CASP1: variants seen among roughly 807,000 people sequenced by gnomAD.
The protein encoded by CASP1 is caspase 1, also known as caspase-1.
CASP1 carries 31 observed loss-of-function variants against 41.2 expected under a neutral mutation model. The observed-to-expected ratio is 0.75, with a 90% confidence interval of 0.57 to 1.02. CASP1 has a LOEUF of 1.02. Among genes scored for constraint, CASP1 ranks in the 50% least tolerant of loss-of-function variants. The pLI is 0.00. For missense variants in CASP1, 490 were observed against 495.7 expected (o/e 0.99, Z 0.11); for synonymous variants, 163 against 166.5 (o/e 0.98, Z 0.16).
At chr11:105,028,510 C>A (rs1308322138) in intron 7 of CASP1, among the ~76,000 whole-genome samples, 3 of 151,826 alleles carry the variant, frequency 2.0e-5, no homozygotes, top group Admixed American at 2.0e-4. Context: ...TTTATTAAAT[C>A]CTTAGAAAAA....
upstream of CASP1, among the ~76,000 whole-genome samples, chr11:105,035,618 G>GTTT (rs56746743): frequency 7.7e-5 from 8 of 103,438 alleles, 2 homozygotes; most frequent in Admixed American, 2.6e-4. Flanking sequence ...TTTTCTTTCT[G>GTTT]TTTTTTTTTT....
In CASP1 at chr11:105,030,381, C is replaced by T; in HGVS notation, c.576G>A (p.Leu192=). Residue 192 remains leucine, a synonymous_variant, in exon 5 of 9, where the codon CTG becomes CTA. Coordinates refer to ENST00000533400, the MANE Select transcript of CASP1 (RefSeq NM_001257118.3). ...CTACGCTGTACCCCAGATTTTGTAGCAGCATTGTCATGCCTGTGATGTCAA... is the reference window on the plus strand; with the variant it reads ...CTACGCTGTACCCCAGATTTTGTAGTAGCATTGTCATGCCTGTGATGTCAA... ...AEVDITGMTM[L]LQNLGYSVDV... The T allele has an allele frequency of 6.2e-7, 1 of 1,613,554 alleles. No homozygotes were observed. Among genetic ancestry groups the T allele is most frequent in the Non-Finnish European group, 8.5e-7 (1 of 1,179,668 alleles).
In CASP1 at chr11:105,034,294, G is replaced by T; in HGVS notation, c.188C>A (p.Pro63Gln). The change falls in exon 2 of 9, where the codon CCG (proline) becomes CAG (glutamine). Residue 63 changes from proline to glutamine, a missense_variant. Pro to Gln is a moderately conservative substitution (Grantham distance 76). Transcript: ENST00000533400. ...AATTTGGCATGCCTGTGCCCCTTTC[G>T]GAATAACGGAGTCAATCAAAGCTCG... ...KTRALIDSVI[P>Q]KGAQACQICI... The T allele has an allele frequency of 6.2e-7, 1 of 1,614,028 alleles. No individual in the cohort carries two copies. Among genetic ancestry groups the T allele is most frequent in the Non-Finnish European group, 8.5e-7 (1 of 1,179,974 alleles).
intron 2 of CASP1, 80 bp from the exon 3 acceptor site, chr11:105,033,206 C>T (rs1565226702): frequency 1.3e-6 from 1 of 741,174 alleles, no homozygotes; most frequent in Non-Finnish European, 2.3e-6. Context: ...ACACTCCCCA[C>T]TAAAAATTTC....
intron 3 of CASP1, among the ~76,000 whole-genome samples, chr11:105,032,826 G>T (rs1253675278): frequency 6.6e-6 from 1 of 152,146 alleles, no homozygotes; most frequent in Non-Finnish European, 1.5e-5. Context: ...AAATAATGAA[G>T]TTTGGTACTT....
intron 8 of CASP1, 171 bp downstream of exon 8, chr11:105,026,671 G>T: frequency 1.6e-6 from 1 of 609,858 alleles, no homozygotes; most frequent in Non-Finnish European, 2.9e-6. Context: ...GGTCTTAATA[G>T]ATTGGATTAG....
chr11:105,026,893 T>A lies in CASP1; in HGVS notation c.1065A>T (p.Glu355Asp), dbSNP rs529009285. The A allele has an allele frequency of 1.7e-5, 27 of 1,611,844 alleles. No individual in the cohort carries two copies. The highest frequency in any genetic ancestry group is 2.3e-5 in the Non-Finnish European group (27 of 1,178,210). ...AGGAACAGGCATATTCTTGCATATG[T>A]TCAATGAGTCTTCCAATAAAAACAG... Reference protein sequence around the residue: ...MGSVFIGRLIEHMQEYACSCD... With the variant: ...MGSVFIGRLIDHMQEYACSCD... Residue 355 changes from glutamate to aspartate, a missense_variant, in exon 8 of 9, where the codon GAA becomes GAT. Physicochemically the swap from Glu to Asp is conservative, Grantham distance 45. Coordinates refer to ENST00000533400, the MANE Select transcript of CASP1 (RefSeq NM_001257118.3).
Position 105,029,831 on chromosome 11 carries a change from C to G in CASP1, c.696G>C (p.Leu232=), listed in dbSNP as rs1405683173. ...PEHKTSDSTF[L]VFMSHGIREG... is the part of the protein sequence containing the mutation. ...CCCGAATACCATGAGACATGAACAC[C>G]AGGAACGTGCTGTCAGAGGTCTTGT... Residue 232 remains leucine (L), a synonymous_variant, in exon 6 of 9, where the codon CTG becomes CTC. Transcript: ENST00000533400. 9.3e-6 allele frequency: 15 copies of G among 1,613,756 alleles called. No individual in the cohort carries two copies. Among genetic ancestry groups the G allele is most frequent in the Non-Finnish European group, 1.0e-5 (12 of 1,179,778 alleles).
intron 2 of CASP1, chr11:105,033,989 AC>A (rs1863859657): frequency 1.2e-6 from 1 of 840,674 alleles, no homozygotes; most frequent in Non-Finnish European, 2.0e-6. Context: ...CATACTCAGA[AC>A]AGGAAATGAG....
chr11:105,033,564 G>C (rs1031193155), intron 2 of CASP1, among the ~76,000 whole-genome samples: 1 of 152,120 alleles, frequency 6.6e-6, no homozygotes, highest in Non-Finnish European at 1.5e-5. Flanking sequence ...CCCTGTATTG[G>C]GCCTGAGGAG....
At chr11:105,031,301 C>A in intron 3 of CASP1, 21 bp from the exon 4 acceptor site, 1 of 1,364,208 alleles carries the variant, frequency 7.3e-7, no homozygotes, top group Non-Finnish European at 1.0e-6. Context: ...CAAAGAACAT[C>A]ATGAACAGTG....
chr11:105,032,160 A>G (rs1436094500), intron 3 of CASP1, among the ~76,000 whole-genome samples: 1 of 152,228 alleles, frequency 6.6e-6, no homozygotes, highest in Non-Finnish European at 1.5e-5. Context: ...TTGTTATACA[A>G]TCAGTTAGAT....
rs933568969 is a variant in CASP1 at position 105,026,032 on chromosome 11, T to C, written c.*226A>G. Reference sequence around the variant, plus strand: ...TTAGCATCCCTAATCCAAAAACCTATAATTTGAAATGTTTCAATAAACATT... The same window carrying C: ...TTAGCATCCCTAATCCAAAAACCTACAATTTGAAATGTTTCAATAAACATT... On this transcript the variant is annotated 3_prime_UTR_variant, in exon 9 of 9. Coordinates refer to ENST00000533400, the MANE Select transcript of CASP1 (RefSeq NM_001257118.3). The C allele has an allele frequency of 4.9e-6, 2 of 410,214 alleles. No homozygotes were observed. Among genetic ancestry groups the C allele is most frequent in the African/African-American group, 2.0e-5 (1 of 49,112 alleles). 25.4% of individuals were successfully genotyped at this position (410,214 alleles called of 1,614,324 possible).
At chr11:105,033,225 C>A in intron 2 of CASP1, 99 bp from the exon 3 acceptor site, 1 of 649,128 alleles carries the variant, frequency 1.5e-6, no homozygotes, top group South Asian at 1.8e-5. Context: ...TCTCCCATAA[C>A]ACTGACTGAC....
chr11:105,036,124 G>T (rs1045872680), upstream of CASP1, among the ~76,000 whole-genome samples: 18 of 152,144 alleles, frequency 1.2e-4, no homozygotes, highest in Non-Finnish European at 2.5e-4. Flanking sequence ...TGTGGAAAAT[G>T]CATGGAACAT....
intron 2 of CASP1, 145 bp downstream of exon 2, chr11:105,034,063 G>T: frequency 1.5e-6 from 2 of 1,314,544 alleles, no homozygotes; most frequent in Non-Finnish European, 2.2e-6. Flanking sequence ...CAAGGGACAT[G>T]CAATAGGGAC....
At chr11:105,027,879 G>A (rs1408924336) in intron 7 of CASP1, among the ~76,000 whole-genome samples, 1 of 152,118 alleles carries the variant, frequency 6.6e-6, no homozygotes, top group Admixed American at 6.6e-5. Flanking sequence ...AGAATGTGGA[G>A]ATAGGTTTAA....
At chr11:105,029,388 G>A in intron 6 of CASP1, 121 bp from the exon 7 acceptor site, 1 of 777,328 alleles carries the variant, frequency 1.3e-6, no homozygotes, top group Non-Finnish European at 2.0e-6. Flanking sequence ...CATGCAAATA[G>A]ACACATGCAT....
intron 5 of CASP1, 86 bp from the exon 6 acceptor site, chr11:105,029,985 T>C (rs1179157039): frequency 9.6e-7 from 1 of 1,038,914 alleles, no homozygotes; most frequent in Non-Finnish European, 1.5e-6. Flanking sequence ...ACTTAAGGAG[T>C]TTCTTAAGGA....
Sources: gnomAD v4.1 joint callset for allele counts (sites outside exome capture counted in the v4.1 genomes callset) on GRCh38, gnomAD v4.1.1 for gene constraint, MANE v1.5 for transcripts, NCBI Gene and HGNC (gene_info 2026-07-23, HGNC 2026-07-21) for gene names.